AHCYL2: variants seen among roughly 807,000 people sequenced by gnomAD.
The protein encoded by AHCYL2 is adenosylhomocysteinase like 2.
A neutral mutation model predicts 81.4 loss-of-function variants in AHCYL2; 28 were observed. That is an observed-to-expected ratio of 0.34 (90% confidence interval 0.25 to 0.47). The LOEUF (loss-of-function observed/expected upper bound fraction) is 0.47, where lower values mean the gene tolerates loss of function less well. AHCYL2 is among the 20% of genes least tolerant of loss of function. The probability of loss-of-function intolerance (pLI) is 1.00; values close to 1 mark genes in which losing one functional copy is unlikely to be tolerated. For missense variants in AHCYL2, 551 were observed against 785.1 expected (o/e 0.70, Z 3.56); for synonymous variants, 272 against 290.2 (o/e 0.94, Z 0.64).
At chr7:129,393,528 A>G (rs1795568986) in intron 4 of AHCYL2, among the ~76,000 whole-genome samples, 2 of 152,352 alleles carry the variant, frequency 1.3e-5, no homozygotes, top group Middle Eastern at 3.4e-3. Context: ...TTTTATTTGT[A>G]TGGAATCATT....
intron 1 of AHCYL2, among the ~76,000 whole-genome samples, chr7:129,371,025 T>C (rs1177379585): frequency 6.6e-6 from 1 of 152,228 alleles, no homozygotes. Context: ...AGCTAACCTC[T>C]GAGCACCCTC....
At chr7:129,391,817 T>C (rs1019946085) in intron 4 of AHCYL2, among the ~76,000 whole-genome samples, 2 of 152,206 alleles carry the variant, frequency 1.3e-5, no homozygotes, top group Non-Finnish European at 2.9e-5. Flanking sequence ...ATCTTCACTA[T>C]GAAACTTTTC....
chr7:129,256,409 A>G (rs1315320526), intron 1 of AHCYL2, among the ~76,000 whole-genome samples: 2 of 152,170 alleles, frequency 1.3e-5, no homozygotes, highest in African/African-American at 4.8e-5. Context: ...CTATGCATTT[A>G]CAAGTGTATA....
rs771428608 is a variant in AHCYL2, at chr7:129,422,842, G to A, written c.1464G>A (p.Ala488=). The part of the protein sequence containing the change: ...MGHSNTEIDV[A]SLRTPELTWE... ...TGTACTTGCTGTATGTGTTCCAGGC[G>A]AGTCTGCGGACACCAGAACTGACCT... The change falls in exon 13 of 17, where the codon GCG becomes GCA. Residue 488 remains alanine (A), a splice_region_variant and synonymous_variant. Coordinates refer to ENST00000325006, the MANE Select transcript of AHCYL2 (RefSeq NM_015328.4). 1.8e-5 allele frequency: 29 copies of A among 1,613,848 alleles called. No individual in the cohort carries two copies. The Middle Eastern group carries it at 4.9e-4, about 27-fold the overall frequency.
At chr7:129,411,929 C>G (rs1168092833) in intron 11 of AHCYL2, among the ~76,000 whole-genome samples, 2 of 152,226 alleles carry the variant, frequency 1.3e-5, no homozygotes, top group East Asian at 1.9e-4. Context: ...GTTGTTTTCA[C>G]TTTTTGGCTA....
rs1387803730 is a variant in AHCYL2, at chr7:129,389,150, C to T, written c.570C>T (p.Asn190=). 4.3e-6 allele frequency: 7 copies of T among 1,613,870 alleles called. No homozygotes were observed. The highest frequency in any genetic ancestry group is 5.9e-6 in the Non-Finnish European group (7 of 1,179,934). Residue 190 remains asparagine (N), a synonymous_variant, in exon 3 of 17, where the codon AAC becomes AAT. Transcript: ENST00000325006. The part of the protein sequence containing the change: ...SKGSSDFCVK[N]IKQAEFGRRE... ...GAAGCAGTGACTTCTGTGTTAAGAA[C>T]ATCAAACAGGCAGAGTTTGGACGAA...
chr7:129,253,864 A>C (rs1795323151), intron 1 of AHCYL2, among the ~76,000 whole-genome samples: 1 of 152,216 alleles, frequency 6.6e-6, no homozygotes, highest in African/African-American at 2.4e-5. Context: ...ATGCATTTTC[A>C]AAGGAGTAAA....
Position 129,315,757 on chromosome 7 carries a change from C to T in AHCYL2, c.364-63881C>T, listed in dbSNP as rs73722949. 3.4e-3 allele frequency among the ~76,000 whole-genome samples: 514 copies of T among 152,072 alleles called. 1 individual carries two copies. The highest frequency in any genetic ancestry group is 0.012 in the African/African-American group (497 of 41,466). ...CTATTTATTTTACTTAAAACAGTTA[C>T]TCGAAGGAGGAGATAGGTTTGAGTG... is the stretch of plus-strand genomic sequence containing the variant. On this transcript the variant is annotated intron_variant, in intron 1 of 16. Coordinates refer to ENST00000325006, the MANE Select transcript of AHCYL2 (RefSeq NM_015328.4).
At position 129,313,199 on chromosome 7, in the gene AHCYL2, T is replaced by A. The variant is rs1417048727; in HGVS notation, c.364-66439T>A. On this transcript the variant is annotated intron_variant, in intron 1 of 16. Transcript: ENST00000325006. Reference sequence around the variant, plus strand: ...GAGGTCTGGTGAATGGATATAAATTTGTAGGCAATCCAGATGGGAGGATTC... The same window carrying A: ...GAGGTCTGGTGAATGGATATAAATTAGTAGGCAATCCAGATGGGAGGATTC... Among the ~76,000 whole-genome samples the A allele has an allele frequency of 5.9e-5, 9 of 152,306 alleles. No homozygotes were observed. The East Asian group carries it at 1.7e-3, about 29-fold the overall frequency.
chr7:129,304,232 T>C (rs1299266836), intron 1 of AHCYL2, among the ~76,000 whole-genome samples: 1 of 152,218 alleles, frequency 6.6e-6, no homozygotes, highest in Non-Finnish European at 1.5e-5. Context: ...TTTTATTCCA[T>C]TGTGGTCAGA....
rs763459929 is a variant in AHCYL2, at chr7:129,368,546, T to G, written c.364-11092T>G. ...CACCTCAGCTTTTCACATGCCTGAG[T>G]GGATGGTGAGTTCACTGGTCGTTTT... is the stretch of plus-strand genomic sequence containing the variant. On this transcript the variant is annotated intron_variant, in intron 1 of 16. Coordinates refer to ENST00000325006, the MANE Select transcript of AHCYL2 (RefSeq NM_015328.4). The surrounding 1 kb of genome is among the most constrained non-coding windows in gnomAD (Gnocchi z 4.4). The G allele has an allele frequency of 6.2e-7, 1 of 1,613,948 alleles. No individual in the cohort carries two copies. The highest frequency in any genetic ancestry group is 8.5e-7 in the Non-Finnish European group (1 of 1,179,884).
chr7:129,383,603 C>G (rs995767628), intron 2 of AHCYL2, among the ~76,000 whole-genome samples: 1 of 152,194 alleles, frequency 6.6e-6, no homozygotes, highest in African/African-American at 2.4e-5. Flanking sequence ...CTAAAACCTT[C>G]CAGTGGCTTC....
At chr7:129,347,529 A>G in intron 1 of AHCYL2, among the ~76,000 whole-genome samples, 1 of 152,202 alleles carries the variant, frequency 6.6e-6, no homozygotes, top group East Asian at 1.9e-4. Context: ...TACTGGTCTA[A>G]ATTCAGAATC....
intron 1 of AHCYL2, among the ~76,000 whole-genome samples, chr7:129,245,811 T>C (rs537894195): frequency 3.4e-4 from 52 of 152,342 alleles, no homozygotes; most frequent in Non-Finnish European, 4.4e-4. Flanking sequence ...TCTATGAACA[T>C]TGCCATACAA....
rs535453529 is a variant in AHCYL2, at chr7:129,414,235, G to A, written c.1461+547G>A. Among the ~76,000 whole-genome samples, 3 of 152,262 alleles carry A rather than the reference G, an allele frequency of 2.0e-5. No homozygotes were observed. In the South Asian group the frequency reaches 6.2e-4, roughly 32 times the overall value. On this transcript the variant is annotated intron_variant, in intron 12 of 16. Coordinates refer to ENST00000325006, the MANE Select transcript of AHCYL2 (RefSeq NM_015328.4). Reference sequence around the variant, plus strand: ...CCCCTCACATGTTTTCCAAACTGTAGTAATTGTGTCTGCAGGTGTCATAAT... The same window carrying A: ...CCCCTCACATGTTTTCCAAACTGTAATAATTGTGTCTGCAGGTGTCATAAT...
intron 1 of AHCYL2, among the ~76,000 whole-genome samples, chr7:129,297,482 T>C (rs748463276): frequency 4.6e-5 from 7 of 152,292 alleles, no homozygotes; most frequent in South Asian, 2.1e-4. Context: ...CATGTTGAGA[T>C]AGGAAATTTA....
intron 5 of AHCYL2, among the ~76,000 whole-genome samples, chr7:129,398,291 G>T (rs1187026648): frequency 6.8e-6 from 1 of 148,132 alleles, no homozygotes; most frequent in Non-Finnish European, 1.5e-5. Flanking sequence ...GATTACAGGT[G>T]TGAGCCACCA....
At chr7:129,291,796 G>A (rs1030034722) in intron 1 of AHCYL2, among the ~76,000 whole-genome samples, 9 of 151,666 alleles carry the variant, frequency 5.9e-5, no homozygotes, top group South Asian at 2.1e-4. Context: ...TAGTAGAGAC[G>A]GGGTTTCACC....
intron 1 of AHCYL2, among the ~76,000 whole-genome samples, chr7:129,320,995 TG>T (rs1230344962): frequency 5.9e-5 from 9 of 152,260 alleles, no homozygotes; most frequent in African/African-American, 2.2e-4. Flanking sequence ...CATCAGTTGA[TG>T]CACATTTGTA....
Sources: gnomAD v4.1 joint callset for allele counts (sites outside exome capture counted in the v4.1 genomes callset) on GRCh38, gnomAD v4.1.1 for gene constraint, Gnocchi (gnomAD v3.1) non-coding constraint, MANE v1.5 for transcripts, NCBI Gene and HGNC (gene_info 2026-07-23, HGNC 2026-07-21) for gene names.